Variants in ZNF850 observed in about 807,000 individuals in gnomAD.
ZNF850 encodes the protein zinc finger protein 850, also known as putative zinc finger protein ENSP00000330994.
Under a neutral mutation model 11.9 loss-of-function variants are expected in ZNF850, and 2 were observed. That is an observed-to-expected ratio of 0.17 (90% CI 0.07 to 0.53). The LOEUF (loss-of-function observed/expected upper bound fraction) is 0.53. Among genes scored for constraint, ZNF850 ranks in the 20% least tolerant of loss-of-function variants. The pLI is 0.94. For missense variants in ZNF850, 1,014 were observed against 1,316.4 expected (o/e 0.77, Z 3.55); for synonymous variants, 381 against 443.0 (o/e 0.86, Z 1.76).
rs781154660 is a variant in ZNF850, at chr19:36,749,201, A to G, written c.1839T>C (p.Gly613=). The G allele has an allele frequency of 8.1e-6, 13 of 1,603,318 alleles. No homozygotes were observed. Among genetic ancestry groups the G allele is most frequent in the Non-Finnish European group, 1.1e-5 (13 of 1,176,578 alleles). The part of the protein sequence containing the change: ...TLLQHQQIHT[G]EKPYDCKECG... ...ATTCCTTACAATCATAAGGTTTCTC[A>G]CCAGTGTGAATTTGCTGATGTTGAA... The change falls in exon 5 of 5, where the codon GGT becomes GGC. Residue 613 remains glycine, a synonymous_variant. Coordinates refer to ENST00000591344, the MANE Select transcript of ZNF850 (RefSeq NM_001193552.2).
chr19:36,744,007 G>C lies in ZNF850; in HGVS notation c.*3760C>G, dbSNP rs2040396744. On this transcript the variant is annotated 3_prime_UTR_variant, in exon 5 of 5. Coordinates refer to ENST00000591344, the MANE Select transcript of ZNF850 (RefSeq NM_001193552.2). ...CCCAGCCTCAACATGGAGAAACCCT[G>C]TCTCTATTAAAAATACAAAATTAGC... 1 of 152,142 alleles carries C rather than the reference G, an allele frequency of 6.6e-6. No homozygotes were observed. Among genetic ancestry groups the C allele is most frequent in the African/African-American group, 2.4e-5 (1 of 41,410 alleles). 9.4% of individuals were successfully genotyped at this position (152,142 alleles called of 1,614,324 possible).
intron 1 of ZNF850, among the ~76,000 whole-genome samples, chr19:36,770,951 A>G (rs1340658075): frequency 6.6e-6 from 1 of 152,026 alleles, no homozygotes; most frequent in Non-Finnish European, 1.5e-5. Flanking sequence ...TCTCATTCCT[A>G]CCCCTAAAAT....
chr19:36,751,591 G>A (rs573856588), intron 4 of ZNF850, among the ~76,000 whole-genome samples: 6 of 150,958 alleles, frequency 4.0e-5, no homozygotes, highest in East Asian at 2.0e-4. Flanking sequence ...TCAGCTACTC[G>A]GGAGGCTGAG....
At chr19:36,762,266 C>G in intron 3 of ZNF850, 39 bp downstream of exon 3, 1 of 1,465,016 alleles carries the variant, frequency 6.8e-7, no homozygotes, top group South Asian at 1.4e-5. Flanking sequence ...GAAAGCTACA[C>G]CCAAAATTCA....
chr19:36,743,603 A>T lies in ZNF850; in HGVS notation c.*4164T>A. Reference sequence around the variant, plus strand: ...ATCAATGTTACAATCCTTAGACAAAAACCAACAGTTTAGTACATAGTAATA... The same window carrying T: ...ATCAATGTTACAATCCTTAGACAAATACCAACAGTTTAGTACATAGTAATA... On this transcript the variant is annotated 3_prime_UTR_variant, in exon 5 of 5. Transcript: ENST00000591344. 6.9e-6 allele frequency: 1 copy of T among 145,540 alleles called. No individual in the cohort carries two copies. The highest frequency in any genetic ancestry group is 2.1e-4 in the South Asian group (1 of 4,694). 9.0% of individuals were successfully genotyped at this position (145,540 alleles called of 1,614,324 possible). A position where few individuals can be genotyped will look rare whatever the true frequency, so the allele number is the denominator to read the frequency against.
intron 1 of ZNF850, among the ~76,000 whole-genome samples, chr19:36,768,301 T>C (rs1337766168): frequency 6.6e-6 from 1 of 152,126 alleles, no homozygotes; most frequent in Non-Finnish European, 1.5e-5. Context: ...CCTATCTCCA[T>C]AAAATCATCA....
intron 1 of ZNF850, among the ~76,000 whole-genome samples, chr19:36,766,973 A>C (rs2040552856): frequency 6.6e-6 from 1 of 152,170 alleles, no homozygotes; most frequent in South Asian, 2.1e-4. Context: ...GCAGTGGCTC[A>C]AGCCTGTAAT....
chr19:36,769,276 A>AAAAGAAAG (rs754621260), intron 1 of ZNF850, among the ~76,000 whole-genome samples: 2 of 113,240 alleles, frequency 1.8e-5, no homozygotes, highest in Admixed American at 9.2e-5. Context: ...AAAAAAAAAA[A>AAAAGAAAG]AAAGAAAGAA....
chr19:36,749,418 G>T lies in ZNF850; in HGVS notation c.1622C>A (p.Ser541Tyr), dbSNP rs1425401871. ...KPYHCKECGK[S>Y]FTFRSGLIGH... Reference sequence around the variant, plus strand: ...AATTAGCCCTGAGCGAAAAGTAAAAGATTTTCCACATTCCTTACAATGATA... The same window carrying T: ...AATTAGCCCTGAGCGAAAAGTAAAATATTTTCCACATTCCTTACAATGATA... Residue 541 changes from serine to tyrosine, a missense_variant, in exon 5 of 5, where the codon TCT becomes TAT. Ser to Tyr is a moderately radical substitution (Grantham distance 144, BLOSUM62 -2). Transcript: ENST00000591344. 1.9e-6 allele frequency: 3 copies of T among 1,548,790 alleles called. No homozygotes were observed. The highest frequency in any genetic ancestry group is 1.4e-5 in the African/African-American group (1 of 73,296).
At chr19:36,753,185 C>T (rs1004238602) in intron 4 of ZNF850, among the ~76,000 whole-genome samples, 29 of 146,262 alleles carry the variant, frequency 2.0e-4, no homozygotes, top group African/African-American at 7.1e-4. Context: ...AGAAGAATTG[C>T]TTAAATCCAG....
chr19:36,748,298 T>G lies in ZNF850; in HGVS notation c.2742A>C (p.Gln914His). 3 of 1,574,658 alleles carry G rather than the reference T, an allele frequency of 1.9e-6. No homozygotes were observed. Among genetic ancestry groups the G allele is most frequent in the Non-Finnish European group, 2.6e-6 (3 of 1,163,732 alleles). Residue 914 changes from glutamine to histidine, a missense_variant, in exon 5 of 5, where the codon CAA (glutamine) becomes CAC (histidine). Gln to His is a conservative substitution (Grantham distance 24). This residue lies in a region of ZNF850 where 179 missense variants were observed against 294.4 expected (regional missense o/e 0.61). Coordinates refer to ENST00000591344, the MANE Select transcript of ZNF850 (RefSeq NM_001193552.2). ...TCTCACCAGTATGGATTCGTTGATG[T>G]TGAGTAAGTTTTGAACGACGTCTAA... ...KAFRRRSKLT[Q>H]HQRIHTGEKP...
intron 4 of ZNF850, among the ~76,000 whole-genome samples, chr19:36,755,510 C>A (rs576905049): frequency 2.0e-5 from 3 of 151,988 alleles, no homozygotes; most frequent in Non-Finnish European, 2.9e-5. Context: ...CATGAGCCAC[C>A]GCACCTGGCC....
At chr19:36,767,513 T>C (rs1221607079) in intron 1 of ZNF850, among the ~76,000 whole-genome samples, 2 of 151,076 alleles carry the variant, frequency 1.3e-5, no homozygotes, top group African/African-American at 4.9e-5. Context: ...GCAGAGATTG[T>C]GCCATTGCAC....
rs541298556 is a variant in ZNF850, at chr19:36,754,425, G to A, written c.236-3621C>T. Among the ~76,000 whole-genome samples the A allele has an allele frequency of 2.0e-4, 30 of 152,050 alleles. No individual in the cohort carries two copies. In the East Asian group the frequency reaches 4.8e-3, roughly 24 times the overall value. ...AAAGAGGATTACTACATAATAAAACGTTCATTCACCAAAAAGATATAACAA... is the reference window on the plus strand; with the variant it reads ...AAAGAGGATTACTACATAATAAAACATTCATTCACCAAAAAGATATAACAA... On this transcript the variant is annotated intron_variant, in intron 4 of 4. Coordinates refer to ENST00000591344, the MANE Select transcript of ZNF850 (RefSeq NM_001193552.2).
chr19:36,771,878 A>C (rs188356492), intron 1 of ZNF850, among the ~76,000 whole-genome samples: 1 of 152,096 alleles, frequency 6.6e-6, no homozygotes, highest in East Asian at 1.9e-4. Context: ...ATCCTTATCA[A>C]CTTTCTCCCA....
At position 36,749,593 on chromosome 19, in the gene ZNF850, C is replaced by T; in HGVS notation, c.1447G>A (p.Gly483Arg). ...GTTGAGCGAAAAGTAAAAGATTTTC[C>T]ACATTCCTTACAACAATAGGGTTTC... ...GEKPYCCKEC[G>R]KSFTFRSTRN... Residue 483 changes from glycine (G) to arginine (R), a missense_variant, in exon 5 of 5, where the codon GGA becomes AGA. Around this residue, in one of 2 missense-constraint regions of ZNF850, gnomAD observed 835 missense variants for 1,022.0 expected, o/e 0.82. Transcript: ENST00000591344. The T allele has an allele frequency of 6.5e-7, 1 of 1,548,946 alleles. No homozygotes were observed. The highest frequency in any genetic ancestry group is 8.7e-7 in the Non-Finnish European group (1 of 1,152,054).
intron 1 of ZNF850, among the ~76,000 whole-genome samples, chr19:36,772,178 C>A (rs1246500830): frequency 3.9e-5 from 6 of 152,170 alleles, no homozygotes; most frequent in East Asian, 3.9e-4. Flanking sequence ...TCAGGACAAC[C>A]CCCCTGTGGA....
intron 1 of ZNF850, among the ~76,000 whole-genome samples, chr19:36,766,180 C>CCA (rs2040548683): frequency 6.6e-6 from 1 of 152,136 alleles, no homozygotes; most frequent in Non-Finnish European, 1.5e-5. Context: ...GCATGAGCCA[C>CCA]TGAGCCAGGC....
intron 1 of ZNF850, among the ~76,000 whole-genome samples, chr19:36,764,053 C>T (rs7249110): frequency 0.82 from 124,946 of 151,796 alleles, 52,051 homozygotes; most frequent in Non-Finnish European, 0.88. Flanking sequence ...GAGACCATCC[C>T]GGCCAACATG....
Sources: allele counts gnomAD v4.1 joint callset (sites outside exome capture counted in the v4.1 genomes callset), GRCh38; gene constraint gnomAD v4.1.1; regional missense constraint gnomAD v4.1.1; transcripts MANE v1.5; gene names NCBI Gene and HGNC (gene_info 2026-07-23, HGNC 2026-07-21).